Variants in SNTG2 observed in about 807,000 individuals in gnomAD.
The protein encoded by SNTG2 is gamma-2-syntrophin.
A neutral mutation model predicts 70.9 loss-of-function variants in SNTG2; 74 were observed. The ratio of observed to expected loss-of-function variants is 1.04; its 90% CI spans 0.86 to 1.27. The LOEUF (loss-of-function observed/expected upper bound fraction) is 1.27. Ranked by LOEUF, SNTG2 falls within the 50% of genes most tolerant of loss-of-function variation. The probability of loss-of-function intolerance (pLI) is 0.00; values close to 1 mark genes in which losing one functional copy is unlikely to be tolerated. For missense variants in SNTG2, 717 were observed against 690.7 expected, an observed-to-expected ratio of 1.04 and a Z score of -0.43; for synonymous variants, 278 against 273.8, an observed-to-expected ratio of 1.02 and a Z score of -0.15.
At chr2:1,017,204 TATG>T (rs1438748732) in intron 1 of SNTG2, among the ~76,000 whole-genome samples, 6 of 152,318 alleles carry the variant, frequency 3.9e-5, no homozygotes, top group African/African-American at 1.4e-4. Context: ...CTGTCAGTCT[TATG>T]ATCTCTGTTT....
At chr2:1,134,220 A>G (rs1486736046) in intron 4 of SNTG2, among the ~76,000 whole-genome samples, 1 of 152,130 alleles carries the variant, frequency 6.6e-6, no homozygotes, top group African/African-American at 2.4e-5. Flanking sequence ...GCAAAAAGCA[A>G]AAGAACAAAG....
intron 16 of SNTG2, chr2:1,346,403 G>A (rs562821028): frequency 1.3e-5 from 2 of 152,428 alleles, no homozygotes; most frequent in African/African-American, 4.8e-5. Context: ...AGCTGATTGT[G>A]GTCTCAGTCC....
chr2:1,124,703 A>T (rs911775088), intron 4 of SNTG2, among the ~76,000 whole-genome samples: 15 of 152,186 alleles, frequency 9.9e-5, no homozygotes, highest in Non-Finnish European at 2.9e-5. Context: ...GAAATACCAC[A>T]TGACCTCACT....
chr2:1,015,530 C>T (rs895162325), intron 1 of SNTG2, among the ~76,000 whole-genome samples: 1 of 152,124 alleles, frequency 6.6e-6, no homozygotes, highest in Non-Finnish European at 1.5e-5. Context: ...AAAAAAATCC[C>T]GTGGTACAGA....
chr2:1,236,305 A>G (rs28679711), intron 9 of SNTG2, among the ~76,000 whole-genome samples: 48,173 of 152,200 alleles, frequency 0.32, 9,096 homozygotes, highest in African/African-American at 0.53. Context: ...GAAGTGTAAA[A>G]ATTAATTTAT....
chr2:1,221,246 C>CTG (rs1558547975), intron 9 of SNTG2, among the ~76,000 whole-genome samples: 1 of 75,640 alleles, frequency 1.3e-5, no homozygotes, highest in African/African-American at 5.5e-5. Flanking sequence ...GCCTCTGCCT[C>CTG]TCTCTGTCTC....
Position 1,316,292 on chromosome 2 carries a change from C to G in SNTG2, c.1405C>G (p.Gln469Glu). The change falls in exon 16 of 17, where the codon CAG (glutamine) becomes GAG (glutamate). Residue 469 changes from glutamine (Q) to glutamate (E), a missense_variant. Transcript: ENST00000308624. ...TGTGCTCTGGAGATTTAAATTTTCC[C>G]AGCTTAAGGGATCTTCAGATGATGG... ...KNVLWRFKFS[Q>E]LKGSSDDGKT... is the part of the protein sequence containing the mutation. 1 of 1,547,298 alleles carries G rather than the reference C, an allele frequency of 6.5e-7. No homozygotes were observed. Among genetic ancestry groups the G allele is most frequent in the South Asian group, 1.2e-5 (1 of 83,454 alleles).
intron 1 of SNTG2, among the ~76,000 whole-genome samples, chr2:1,054,949 T>TTTTGTG (rs1662296280): frequency 6.6e-6 from 1 of 151,344 alleles, no homozygotes; most frequent in South Asian, 2.1e-4. Context: ...TTGTTTTTGT[T>TTTTGTG]TTTGTTTTTT....
rs767574929 is a variant in SNTG2 at position 1,237,980 on chromosome 2, C to A, written c.812C>A (p.Ala271Glu). ...TAQDGTDWLR[A>E]VSANIRELTL... ...CAGGATGGCACCGACTGGCTGCGGG[C>A]GGTCTCAGCCAACATCAGGGAGCTG... Residue 271 changes from alanine (A) to glutamate (E), a missense_variant, in exon 10 of 17, where the codon GCG becomes GAG. Ala to Glu is a moderately radical substitution (Grantham distance 107). Coordinates refer to ENST00000308624, the MANE Select transcript of SNTG2 (RefSeq NM_018968.4). 6.2e-7 allele frequency: 1 copy of A among 1,609,884 alleles called. No individual in the cohort carries two copies.
chr2:1,235,603 T>C (rs1273706864), intron 9 of SNTG2, among the ~76,000 whole-genome samples: 6 of 143,536 alleles, frequency 4.2e-5, no homozygotes, highest in African/African-American at 1.6e-4. Flanking sequence ...CACGCTGCCC[T>C]GAGGTCCCTG....
chr2:1,069,338 TG>T (rs906603231), intron 1 of SNTG2, among the ~76,000 whole-genome samples: 1 of 126,496 alleles, frequency 7.9e-6, no homozygotes, highest in African/African-American at 2.8e-5. Context: ...CTTATATAAA[TG>T]AAAAAAAAAA....
At chr2:1,202,352 A>C (rs559020027) in intron 8 of SNTG2, among the ~76,000 whole-genome samples, 4 of 152,154 alleles carry the variant, frequency 2.6e-5, no homozygotes, top group Admixed American at 6.5e-5. Flanking sequence ...AGGAAGATTG[A>C]TGTGTCAATA....
chr2:1,244,558 T>C (rs1237803279), intron 11 of SNTG2, among the ~76,000 whole-genome samples: 1 of 151,760 alleles, frequency 6.6e-6, no homozygotes, highest in Non-Finnish European at 1.5e-5. Flanking sequence ...TAGCAGGGCG[T>C]GGTGGCGGGC....
intron 16 of SNTG2, among the ~76,000 whole-genome samples, chr2:1,352,422 C>T (rs908907939): frequency 1.3e-5 from 2 of 152,196 alleles, no homozygotes; most frequent in African/African-American, 4.8e-5. Flanking sequence ...CCATTGAGCT[C>T]CTGGGCACAG....
Position 1,076,797 on chromosome 2 carries a change from T to TA in SNTG2, c.73-6714dup, listed in dbSNP as rs565645579. Among the ~76,000 whole-genome samples, 5 of 152,230 alleles carry TA rather than the reference T, an allele frequency of 3.3e-5. No homozygotes were observed. In the East Asian group the frequency reaches 5.8e-4, roughly 18 times the overall value. On this transcript the variant is annotated intron_variant, in intron 1 of 16. Coordinates refer to ENST00000308624, the MANE Select transcript of SNTG2 (RefSeq NM_018968.4). ...TTTAGTAACAAAAATCAGGACTTAA[T>TA]AAAAAAATTGACCTTCATAGATTTA...
intron 1 of SNTG2, among the ~76,000 whole-genome samples, chr2:1,022,346 A>C (rs1472510621): frequency 6.8e-6 from 1 of 148,044 alleles, no homozygotes. Context: ...TGTTCCCGTG[A>C]GCCTGTGCGT....
intron 16 of SNTG2, among the ~76,000 whole-genome samples, chr2:1,350,565 A>G (rs1024644778): frequency 6.6e-6 from 1 of 152,212 alleles, no homozygotes; most frequent in Non-Finnish European, 1.5e-5. Flanking sequence ...GTTTCTGCAC[A>G]TGTGCTTTGA....
chr2:1,054,278 A>G (rs79736249), intron 1 of SNTG2, among the ~76,000 whole-genome samples: 1,736 of 9,418 alleles, frequency 0.18, 33 homozygotes, highest in African/African-American at 0.33. Context: ...GTTCCCACCC[A>G]AGAGAGGCGG....
intron 9 of SNTG2, among the ~76,000 whole-genome samples, chr2:1,232,473 T>A (rs1171544492): frequency 6.6e-6 from 1 of 152,102 alleles, no homozygotes; most frequent in Non-Finnish European, 1.5e-5. Context: ...ATGTTTTGTA[T>A]TTTTAGTAGA....
Sources: allele counts gnomAD v4.1 joint callset (sites outside exome capture counted in the v4.1 genomes callset), GRCh38; gene constraint gnomAD v4.1.1; transcripts MANE v1.5; gene names NCBI Gene and HGNC (gene_info 2026-07-23, HGNC 2026-07-21).